The following NOXA1 variants were observed in gnomAD, a reference collection of about 807,000 sequenced individuals.
NOXA1 encodes the protein NCF2-like protein.
Under a neutral mutation model 64.8 loss-of-function variants are expected in NOXA1, and 56 were observed. That is an observed-to-expected ratio of 0.86 (90% CI 0.70 to 1.08). The LOEUF (loss-of-function observed/expected upper bound fraction) is 1.08, where lower values mean the gene tolerates loss of function less well. Among genes scored for constraint, NOXA1 ranks in the 50% least tolerant of loss-of-function variants. The pLI is 0.00. For synonymous variants in NOXA1, 295 were observed against 294.8 expected, an observed-to-expected ratio of 1.00 and a Z score of -0.01; for missense variants, 668 against 658.5, an observed-to-expected ratio of 1.01 and a Z score of -0.16.
rs367962813 is a variant in NOXA1, at chr9:137,428,964, A to C, written c.452A>C (p.Lys151Thr). The change falls in exon 4 of 14, where the codon AAG becomes ACG. Residue 151 changes from lysine (K) to threonine (T), a missense_variant. Transcript: ENST00000683555. ...AASSLREAMS[K>T]WPEGSLNGLD... Reference sequence around the variant, plus strand: ...AGCAGCCTAAGGGAGGCCATGTCCAAGTGGCCGGAGGGGTCCCTGAATGGC... The same window carrying C: ...AGCAGCCTAAGGGAGGCCATGTCCACGTGGCCGGAGGGGTCCCTGAATGGC... The C allele has an allele frequency of 5.6e-5, 90 of 1,600,294 alleles. No homozygotes were observed. Among genetic ancestry groups the C allele is most frequent in the Non-Finnish European group, 7.5e-5 (88 of 1,174,170 alleles).
In NOXA1 at chr9:137,433,449, C is replaced by T. The variant is rs1839209895; in HGVS notation, c.910-4C>T. Reference sequence around the variant, plus strand: ...CCACCCCTCCCCCTCCTGCCTGGACCCAGGGAGCAGGTGCAGGGGGCTCCG... The same window carrying T: ...CCACCCCTCCCCCTCCTGCCTGGACTCAGGGAGCAGGTGCAGGGGGCTCCG... On this transcript the variant is annotated splice_polypyrimidine_tract_variant and splice_region_variant and intron_variant, in intron 10 of 13. Transcript: ENST00000683555. 1.3e-6 allele frequency: 2 copies of T among 1,596,132 alleles called. No individual in the cohort carries two copies. Among genetic ancestry groups the T allele is most frequent in the South Asian group, 1.1e-5 (1 of 90,222 alleles).
rs1370460575 is a variant in NOXA1 at position 137,423,483 on chromosome 9, C to T, written c.-47C>T. ...GCCGCCGCCTGGCCCCGGCCCCGGC[C>T]CCTCCGCGGGATCCTGGCCCCTCCT... On this transcript the variant is annotated 5_prime_UTR_variant, in exon 1 of 14. Transcript: ENST00000683555. 1.7e-6 allele frequency: 2 copies of T among 1,200,498 alleles called. No individual in the cohort carries two copies. The highest frequency in any genetic ancestry group is 3.5e-5 in the East Asian group (1 of 28,628). 74.4% of individuals were successfully genotyped at this position (1,200,498 alleles called of 1,614,324 possible).
intron 3 of NOXA1, 107 bp downstream of exon 3, chr9:137,428,248 C>A: frequency 1.3e-6 from 1 of 781,660 alleles, no homozygotes; most frequent in South Asian, 1.7e-5. Context: ...GGCCGAAGCT[C>A]TTGGTGCCAT....
Position 137,431,111 on chromosome 9 carries a change from C to T in NOXA1, c.698+11C>T. ...GAACCATGATGCCAGGTAGGAGGGG[C>T]TGACTGGGCCCTGCGAGCGCGTGCC... On this transcript the variant is annotated intron_variant, in intron 7 of 13. Coordinates refer to ENST00000683555, the MANE Select transcript of NOXA1 (RefSeq NM_001256067.2). This position sits in a 1 kb window ranked among gnomAD's most constrained non-coding sequence, Gnocchi z 5.6. The T allele has an allele frequency of 5.0e-6, 8 of 1,613,128 alleles. No homozygotes were observed. Among genetic ancestry groups the T allele is most frequent in the Non-Finnish European group, 6.8e-6 (8 of 1,179,962 alleles).
chr9:137,423,547 C>CT lies in NOXA1; in HGVS notation c.18_19insT (p.Leu7SerfsTer56). 7.0e-7 allele frequency: 1 copy of CT among 1,438,080 alleles called. No individual in the cohort carries two copies. Among genetic ancestry groups the CT allele is most frequent in the Non-Finnish European group, 9.1e-7 (1 of 1,093,160 alleles). The allele number at this position is 1,438,080 out of a possible 1,614,324, so 89.1% of individuals were successfully genotyped here. ...CGGCCGCCATGGCCTCTCTGGGGGACCTGGTGCGCGCCTGGCACCTGGGCG... is the reference window on the plus strand; with the variant it reads ...CGGCCGCCATGGCCTCTCTGGGGGACTCTGGTGCGCGCCTGGCACCTGGGCG... On this transcript the variant is annotated frameshift_variant, in exon 1 of 14. Coordinates refer to ENST00000683555, the MANE Select transcript of NOXA1 (RefSeq NM_001256067.2). LOFTEE classifies it high-confidence loss of function.
chr9:137,431,208 G>A lies in NOXA1; in HGVS notation c.699-28G>A, dbSNP rs769213675. 2.7e-5 allele frequency: 44 copies of A among 1,608,588 alleles called. 1 individual carries two copies. The East Asian group carries it at 6.7e-4, about 24-fold the overall frequency. The stretch of plus-strand genomic sequence containing the variant: ...CACAGGAGGGCAGTCAGATGGGCAG[G>A]GCCTGAGAGCCTCCCTCCTCTCCCT... On this transcript the variant is annotated intron_variant, in intron 7 of 13. Coordinates refer to ENST00000683555, the MANE Select transcript of NOXA1 (RefSeq NM_001256067.2). This position sits in a 1 kb window ranked among gnomAD's most constrained non-coding sequence, Gnocchi z 5.6.
chr9:137,430,762 G>A (rs1233109394), intron 5 of NOXA1, 22 bp from the exon 6 acceptor site: 10 of 1,586,760 alleles, frequency 6.3e-6, no homozygotes, highest in Non-Finnish European at 8.5e-6. Flanking sequence ...CCCTGACCCA[G>A]CGTCCCCACT....
chr9:137,433,896 C>T, intron 12 of NOXA1, 32 bp downstream of exon 12: 9 of 1,481,090 alleles, frequency 6.1e-6, no homozygotes, highest in Non-Finnish European at 8.1e-6. Flanking sequence ...GGCAGGGGCA[C>T]CCTGAGGGGC....
At position 137,432,879 on chromosome 9, in the gene NOXA1, T is replaced by C. The variant is rs946637005; in HGVS notation, c.805-150T>C. On this transcript the variant is annotated intron_variant, in intron 8 of 13. Coordinates refer to ENST00000683555, the MANE Select transcript of NOXA1 (RefSeq NM_001256067.2). ...GCCCCATCCTAAGGCAGCCGACTTG[T>C]GGCCAGTGCCCTGAATTCAACACCC... 16 of 798,738 alleles carry C rather than the reference T, an allele frequency of 2.0e-5. No individual in the cohort carries two copies. In the African/African-American group the frequency reaches 2.8e-4, roughly 14 times the overall value. The allele number at this position is 798,738 out of a possible 1,614,324, so 49.5% of individuals were successfully genotyped here.
chr9:137,427,630 C>T (rs1445493488), intron 2 of NOXA1, among the ~76,000 whole-genome samples: 1 of 152,220 alleles, frequency 6.6e-6, no homozygotes, highest in Admixed American at 6.5e-5. Flanking sequence ...GCCTCTCCGG[C>T]AGGCGCTGGG....
In NOXA1 at chr9:137,431,404, G is replaced by C. The variant is rs1325822728; in HGVS notation, c.804+63G>C. ...GTGCTTCTGCTGCCTCCGCAGACTGGGGACCACAATGGGACCAACATGAGG... is the reference window on the plus strand; with the variant it reads ...GTGCTTCTGCTGCCTCCGCAGACTGCGGACCACAATGGGACCAACATGAGG... On this transcript the variant is annotated intron_variant, in intron 8 of 13. Coordinates refer to ENST00000683555, the MANE Select transcript of NOXA1 (RefSeq NM_001256067.2). The surrounding 1 kb of genome is among the most constrained non-coding windows in gnomAD (Gnocchi z 5.6). 3.1e-5 allele frequency: 42 copies of C among 1,359,826 alleles called. No homozygotes were observed. In the Admixed American group the frequency reaches 7.0e-4, roughly 23 times the overall value. The allele number at this position is 1,359,826 out of a possible 1,614,324, so 84.2% of individuals were successfully genotyped here. A position where few individuals can be genotyped will look rare whatever the true frequency, so the allele number is the denominator to read the frequency against.
intron 1 of NOXA1, among the ~76,000 whole-genome samples, chr9:137,425,864 C>T (rs1051964367): frequency 2.0e-5 from 3 of 150,056 alleles, no homozygotes; most frequent in African/African-American, 7.5e-5. Flanking sequence ...AGAGCGAGAC[C>T]CCGTCTCAAA....
intron 5 of NOXA1, among the ~76,000 whole-genome samples, chr9:137,430,420 C>T (rs1029463732): frequency 1.3e-5 from 2 of 152,248 alleles, no homozygotes; most frequent in Admixed American, 6.5e-5. Context: ...GTCACCTGCG[C>T]TGCGCCACGG....
chr9:137,433,882 C>G lies in NOXA1; in HGVS notation c.1179+18C>G, dbSNP rs192962049. ...AGTGCAGGGTGAGCCAAGGGCGAGG[C>G]AGGGGCAGGGGCACCCTGAGGGGCG... On this transcript the variant is annotated intron_variant, in intron 12 of 13. Coordinates refer to ENST00000683555, the MANE Select transcript of NOXA1 (RefSeq NM_001256067.2). The G allele has an allele frequency of 5.0e-5, 72 of 1,452,910 alleles. No individual in the cohort carries two copies. In the African/African-American group the frequency reaches 1.0e-3, roughly 20 times the overall value. The allele number at this position is 1,452,910 out of a possible 1,614,324, so 90.0% of individuals were successfully genotyped here.
intron 1 of NOXA1, among the ~76,000 whole-genome samples, chr9:137,424,436 A>G (rs76545183): frequency 0.011 from 1,741 of 152,160 alleles, 35 homozygotes; most frequent in African/African-American, 0.04. Context: ...TAATGATTTC[A>G]TTTTTTTGTT....
chr9:137,433,940 C>A, intron 12 of NOXA1, 25 bp from the exon 13 acceptor site: 1 of 1,532,412 alleles, frequency 6.5e-7, no homozygotes, highest in Non-Finnish European at 8.8e-7. Context: ...CCCGGCCCGA[C>A]CTGCAGCCCA....
chr9:137,432,376 G>A (rs572706544), intron 8 of NOXA1, among the ~76,000 whole-genome samples: 3 of 151,862 alleles, frequency 2.0e-5, no homozygotes, highest in East Asian at 1.9e-4. Context: ...TCAGGAGATC[G>A]AGACCATCCC....
chr9:137,426,262 C>T lies in NOXA1; in HGVS notation c.192C>T (p.Ala64=), dbSNP rs201297913. 35 of 1,613,786 alleles carry T rather than the reference C, an allele frequency of 2.2e-5. 1 individual carries two copies. The highest frequency in any genetic ancestry group is 1.6e-4 in the Middle Eastern group (1 of 6,062). ...TTTGTCCCCAGGCATTTGACCAAGC[C>T]GTGACCAAGGACACCTGCATGGCGG... The part of the protein sequence containing the change: ...PEAALRAFDQ[A]VTKDTCMAVG... The change falls in exon 2 of 14, where the codon GCC becomes GCT. Residue 64 remains alanine, a synonymous_variant. Coordinates refer to ENST00000683555, the MANE Select transcript of NOXA1 (RefSeq NM_001256067.2).
rs111613804 is a variant in NOXA1 at position 137,433,138 on chromosome 9, G to A, written c.850+64G>A. On this transcript the variant is annotated intron_variant, in intron 9 of 13. Transcript: ENST00000683555. ...AGGAAGCTGCTGGTGCATGGGTGCC[G>A]GCTGCCCTCCACCCACAGGGCCCAC... The A allele has an allele frequency of 8.3e-5, 134 of 1,609,088 alleles. 1 individual carries two copies. Among genetic ancestry groups the A allele is most frequent in the African/African-American group, 9.3e-5 (7 of 74,946 alleles).
Sources: gnomAD v4.1 joint callset for allele counts (sites outside exome capture counted in the v4.1 genomes callset) on GRCh38, gnomAD v4.1.1 for gene constraint, Gnocchi (gnomAD v3.1) non-coding constraint, MANE v1.5 for transcripts, NCBI Gene and HGNC (gene_info 2026-07-23, HGNC 2026-07-21) for gene names.